The following DNAH6 variants were observed in gnomAD, a reference collection of about 807,000 sequenced individuals.
The protein encoded by DNAH6 is axonemal beta dynein heavy chain 6.
DNAH6 carries 340 observed loss-of-function variants against 491.4 expected under a neutral mutation model. The ratio of observed to expected loss-of-function variants is 0.69; its 90% CI spans 0.63 to 0.76. DNAH6 has a LOEUF of 0.76. Ranked by LOEUF, DNAH6 falls within the 30% of genes least tolerant of loss-of-function variation. The pLI, the probability that DNAH6 is intolerant of heterozygous loss-of-function variation, is 0.00. For missense variants in DNAH6, 4,443 were observed against 4,972.2 expected, an observed-to-expected ratio of 0.89 and a Z score of 3.20; for synonymous variants, 1,603 against 1,686.1, an observed-to-expected ratio of 0.95 and a Z score of 1.21.
chr2:84,788,883 G>T (rs1453967185), intron 68 of DNAH6, among the ~76,000 whole-genome samples: 2 of 152,184 alleles, frequency 1.3e-5, no homozygotes, highest in African/African-American at 4.8e-5. Context: ...AGGTGTTGTA[G>T]TTCTTACAAA....
intron 70 of DNAH6, among the ~76,000 whole-genome samples, chr2:84,803,144 T>C (rs1679087657): frequency 1.3e-5 from 2 of 152,186 alleles, no homozygotes. Context: ...AACCTAATGT[T>C]GCACCCAAAG....
chr2:84,589,804 C>A (rs1262309138), intron 16 of DNAH6, among the ~76,000 whole-genome samples: 1 of 151,528 alleles, frequency 6.6e-6, no homozygotes, highest in African/African-American at 2.4e-5. Flanking sequence ...GATGCAGGTG[C>A]TTTCAACGGC....
At chr2:84,620,057 G>C (rs1490408203) in intron 24 of DNAH6, among the ~76,000 whole-genome samples, 153 bp downstream of exon 24, 1 of 152,176 alleles carries the variant, frequency 6.6e-6, no homozygotes, top group Admixed American at 6.5e-5. Context: ...AAGTCTAACA[G>C]AGAAGTAGTG....
At chr2:84,807,374 C>A (rs533439720) in intron 71 of DNAH6, among the ~76,000 whole-genome samples, 1 of 152,196 alleles carries the variant, frequency 6.6e-6, no homozygotes, top group Admixed American at 6.5e-5. Flanking sequence ...CTTCCTCTTT[C>A]GTAGCTCATA....
rs571873770 is a variant in DNAH6 at position 84,577,400 on chromosome 2, T to C, written c.2068T>C (p.Cys690Arg). The C allele has an allele frequency of 1.3e-5, 20 of 1,587,056 alleles. No homozygotes were observed. The South Asian group carries it at 2.1e-4, about 17-fold the overall frequency. ...AAAATTAATTCCATCACCTTTGCGA[T>C]GCTTAGAGGTAACTATAAACTAGAA... ...REKLIPSPLRCLEVLNFMLPR... is the reference protein window; with the variant it reads ...REKLIPSPLRRLEVLNFMLPR... Residue 690 changes from cysteine to arginine, a missense_variant, in exon 13 of 77, where the codon TGC (cysteine) becomes CGC (arginine). Cys to Arg is a radical substitution (Grantham distance 180, BLOSUM62 -3). Transcript: ENST00000389394.
chr2:84,710,152 AG>A (rs1696892032), intron 55 of DNAH6, 134 bp from the exon 56 acceptor site: 4 of 1,108,736 alleles, frequency 3.6e-6, no homozygotes. Flanking sequence ...GTCGGGGGAC[AG>A]GGGAGTACAG....
In DNAH6 at chr2:84,588,935, C is replaced by A. The variant is rs1205715645; in HGVS notation, c.2591C>A (p.Ser864Tyr). 6.5e-7 allele frequency: 1 copy of A among 1,545,866 alleles called. No individual in the cohort carries two copies. Among genetic ancestry groups the A allele is most frequent in the Non-Finnish European group, 8.7e-7 (1 of 1,145,412 alleles). ...DLQKRAFQYK[S>Y]YQKNFKVEVS... ...CAGAAACGTGCATTTCAGTATAAGT[C>A]CTATCAGAAGAATTTTAAGGTAATG... The change falls in exon 16 of 77, where the codon TCC becomes TAC. Residue 864 changes from serine (S) to tyrosine (Y), a missense_variant. Physicochemically the swap from Ser to Tyr is moderately radical, Grantham distance 144. This residue lies in a region of DNAH6 where 2,977 missense variants were observed against 3,296.6 expected (regional missense o/e 0.90). Transcript: ENST00000389394.
the DNAH6 span, among the ~76,000 whole-genome samples, chr2:84,508,145 C>A: frequency 2.7e-4 from 41 of 152,192 alleles, no homozygotes; most frequent in Non-Finnish European, 2.1e-4. Flanking sequence ...AGGAATGGTA[C>A]CAGCTCCTCC....
intron 63 of DNAH6, among the ~76,000 whole-genome samples, chr2:84,747,626 A>G (rs1407408093): frequency 6.6e-6 from 1 of 152,016 alleles, no homozygotes; most frequent in Non-Finnish European, 1.5e-5. Context: ...CAATATCTCT[A>G]CCATTCTCAC....
chr2:84,755,775 A>G (rs1384642893), intron 63 of DNAH6, among the ~76,000 whole-genome samples: 1 of 152,138 alleles, frequency 6.6e-6, no homozygotes, highest in Non-Finnish European at 1.5e-5. Flanking sequence ...GTTAGCTGTC[A>G]ACTTTTCATG....
intron 2 of DNAH6, among the ~76,000 whole-genome samples, chr2:84,520,360 T>C (rs1244312086): frequency 6.6e-6 from 1 of 152,180 alleles, no homozygotes; most frequent in Non-Finnish European, 1.5e-5. Context: ...TTTTGTTGCC[T>C]GATCTGCATA....
At chr2:84,467,593 A>C in the DNAH6 span, among the ~76,000 whole-genome samples, 1 of 152,174 alleles carries the variant, frequency 6.6e-6, no homozygotes, top group Non-Finnish European at 1.5e-5. Flanking sequence ...TGAGGCATTT[A>C]GGAGGTCTAA....
At chr2:84,563,523 C>T (rs559349799) in intron 11 of DNAH6, among the ~76,000 whole-genome samples, 1 of 151,928 alleles carries the variant, frequency 6.6e-6, no homozygotes, top group East Asian at 1.9e-4. Context: ...TGTTTGCTGG[C>T]TGCTTGTATT....
rs1003007276 is a variant in DNAH6, at chr2:84,605,447, G to C, written c.3082-53G>C. 2.5e-6 allele frequency: 3 copies of C among 1,178,094 alleles called. No individual in the cohort carries two copies. In the African/African-American group the frequency reaches 4.7e-5, roughly 18 times the overall value. 73.0% of individuals were successfully genotyped at this position (1,178,094 alleles called of 1,614,324 possible). A position where few individuals can be genotyped will look rare whatever the true frequency, so the allele number is the denominator to read the frequency against. ...TTATTTCATTTCACGTGCATTTATTGAGTATCTAAACACACTGAATTTAGA... is the reference window on the plus strand; with the variant it reads ...TTATTTCATTTCACGTGCATTTATTCAGTATCTAAACACACTGAATTTAGA... On this transcript the variant is annotated intron_variant, in intron 19 of 76. Transcript: ENST00000389394.
the DNAH6 span, among the ~76,000 whole-genome samples, chr2:84,464,660 T>C: frequency 6.6e-6 from 1 of 152,148 alleles, no homozygotes; most frequent in African/African-American, 2.4e-5. Context: ...CCATATAGGG[T>C]AACTTCCTGA....
chr2:84,790,710 A>G (rs1170887005), intron 68 of DNAH6, among the ~76,000 whole-genome samples: 2 of 152,240 alleles, frequency 1.3e-5, no homozygotes, highest in African/African-American at 2.4e-5. Flanking sequence ...TAGGATGACT[A>G]TAATTTTAAA....
In DNAH6 at chr2:84,641,993, A is replaced by G. The variant is rs1248471985; in HGVS notation, c.5017A>G (p.Ile1673Val). The G allele has an allele frequency of 2.6e-6, 4 of 1,551,076 alleles. No homozygotes were observed. The East Asian group carries it at 9.8e-5, about 38-fold the overall frequency. Residue 1673 changes from isoleucine to valine, a missense_variant, in exon 33 of 77, where the codon ATA (isoleucine) becomes GTA (valine). Physicochemically the swap from Ile to Val is conservative, Grantham distance 29. Around this residue, in one of 3 missense-constraint regions of DNAH6, gnomAD observed 2,977 missense variants for 3,296.6 expected, o/e 0.90. Transcript: ENST00000389394. Reference protein sequence around the residue: ...NPDLNEDVVLIRALQDSNLPK... With the variant: ...NPDLNEDVVLVRALQDSNLPK... ...AGACCTAAATGAAGATGTGGTGTTGATAAGAGCTTTACAAGACTCCAATTT... is the reference window on the plus strand; with the variant it reads ...AGACCTAAATGAAGATGTGGTGTTGGTAAGAGCTTTACAAGACTCCAATTT...
intron 64 of DNAH6, chr2:84,777,954 A>T (rs878917152): frequency 1.0e-6 from 1 of 977,130 alleles, no homozygotes. Flanking sequence ...TCTTGCTCAC[A>T]TGCCCAAGCA....
chr2:84,633,872 A>G (rs998273891), intron 29 of DNAH6, among the ~76,000 whole-genome samples: 1 of 152,088 alleles, frequency 6.6e-6, no homozygotes, highest in African/African-American at 2.4e-5. Context: ...TGTTCAGTTG[A>G]CCACCTTGAA....
Sources: gnomAD v4.1 joint callset for allele counts (sites outside exome capture counted in the v4.1 genomes callset) on GRCh38, gnomAD v4.1.1 for gene constraint, gnomAD v4.1.1 regional missense constraint, MANE v1.5 for transcripts, NCBI Gene and HGNC (gene_info 2026-07-23, HGNC 2026-07-21) for gene names.